The following RAB10 variants were observed in gnomAD, a reference collection of about 807,000 sequenced individuals.
RAB10 encodes the protein ras-related protein Rab-10.
RAB10 carries 5 observed loss-of-function variants against 25.7 expected under a neutral mutation model. The ratio of observed to expected loss-of-function variants is 0.19; its 90% CI spans 0.10 to 0.41. RAB10 has a LOEUF of 0.41. Among genes scored for constraint, RAB10 ranks in the 10% least tolerant of loss-of-function variants. The pLI, the probability that RAB10 is intolerant of heterozygous loss-of-function variation, is 1.00. For synonymous variants in RAB10, 89 were observed against 86.4 expected (o/e 1.03, Z -0.16); for missense variants, 103 against 245.8 (o/e 0.42, Z 3.89).
At chr2:26,103,929 A>T (rs533480722) in intron 2 of RAB10, among the ~76,000 whole-genome samples, 47 of 151,964 alleles carry the variant, frequency 3.1e-4, no homozygotes, top group South Asian at 6.2e-4. Context: ...CTTTTTTTTT[A>T]ATGGCTGAAT....
intron 1 of RAB10, among the ~76,000 whole-genome samples, chr2:26,090,227 G>A (rs1667073298): frequency 6.6e-6 from 1 of 152,166 alleles, no homozygotes; most frequent in Admixed American, 6.5e-5. Flanking sequence ...GTCTGGGAAT[G>A]CCTTTCATTT....
At chr2:26,132,770 C>G (rs1245420901) in intron 5 of RAB10, among the ~76,000 whole-genome samples, 5 of 141,516 alleles carry the variant, frequency 3.5e-5, no homozygotes, top group South Asian at 2.5e-4. Flanking sequence ...TACCCCCCCC[C>G]CTTTTTTTTA....
chr2:26,055,938 C>G (rs1485932913), intron 1 of RAB10, among the ~76,000 whole-genome samples: 2 of 151,930 alleles, frequency 1.3e-5, no homozygotes, highest in African/African-American at 4.8e-5. Context: ...CTCTGTCACC[C>G]AGGATGAGCG....
chr2:26,111,297 T>A (rs1667565126), intron 3 of RAB10, among the ~76,000 whole-genome samples: 1 of 152,196 alleles, frequency 6.6e-6, no homozygotes, highest in South Asian at 2.1e-4. Context: ...TATTTTTTAA[T>A]AATTATTTAA....
chr2:26,101,056 T>C (rs1667329024), intron 2 of RAB10, among the ~76,000 whole-genome samples: 1 of 152,132 alleles, frequency 6.6e-6, no homozygotes, highest in South Asian at 2.1e-4. Flanking sequence ...ATAGAGGTGA[T>C]GTTTAAGATG....
intron 2 of RAB10, among the ~76,000 whole-genome samples, 158 bp from the exon 3 acceptor site, chr2:26,109,610 T>G (rs887322679): frequency 1.3e-5 from 2 of 152,256 alleles, no homozygotes; most frequent in Non-Finnish European, 2.9e-5. Flanking sequence ...TCCTACTGTT[T>G]TCCCTTTCAG....
At chr2:26,110,786 A>G (rs1034395337) in intron 3 of RAB10, among the ~76,000 whole-genome samples, 2 of 152,066 alleles carry the variant, frequency 1.3e-5, no homozygotes, top group Non-Finnish European at 2.9e-5. Context: ...GCTCACTGCA[A>G]TCTCTGCTTT....
At chr2:26,112,356 C>T (rs778119845) in intron 3 of RAB10, among the ~76,000 whole-genome samples, 4 of 152,074 alleles carry the variant, frequency 2.6e-5, no homozygotes, top group Admixed American at 1.3e-4. Context: ...AGACCAGCCC[C>T]CATTCTGAAG....
chr2:26,033,981 C>T (rs1056047230), upstream of RAB10: 8 of 397,798 alleles, frequency 2.0e-5, no homozygotes, highest in African/African-American at 1.4e-4. Flanking sequence ...AGGAGCATTC[C>T]ACTCGCCACT....
At chr2:26,076,848 G>A (rs963084821) in intron 1 of RAB10, among the ~76,000 whole-genome samples, 3 of 151,592 alleles carry the variant, frequency 2.0e-5, no homozygotes, top group African/African-American at 7.3e-5. Flanking sequence ...GGAGGCTGAG[G>A]CAGGAGAAAC....
chr2:26,063,562 A>C (rs1253431506), intron 1 of RAB10, among the ~76,000 whole-genome samples: 2 of 152,204 alleles, frequency 1.3e-5, no homozygotes, highest in Admixed American at 1.3e-4. Context: ...GTATCATTAC[A>C]TGCAAGAAGT....
intron 3 of RAB10, among the ~76,000 whole-genome samples, chr2:26,119,498 C>T (rs1667759495): frequency 6.6e-6 from 1 of 151,282 alleles, no homozygotes; most frequent in African/African-American, 2.4e-5. Context: ...GAAGTGTATC[C>T]CAAGTCTTTT....
chr2:26,124,306 T>A (rs961363112), intron 3 of RAB10, among the ~76,000 whole-genome samples: 1 of 151,330 alleles, frequency 6.6e-6, no homozygotes. Flanking sequence ...CCTAGTTTTT[T>A]TTTTTCTTAT....
At chr2:26,058,099 A>T (rs889688104) in intron 1 of RAB10, among the ~76,000 whole-genome samples, 1 of 152,216 alleles carries the variant, frequency 6.6e-6, no homozygotes, top group African/African-American at 2.4e-5. Context: ...GGTATCCTTG[A>T]TGCCTCCTTC....
At chr2:26,107,305 G>A (rs1667485623) in intron 2 of RAB10, among the ~76,000 whole-genome samples, 1 of 147,316 alleles carries the variant, frequency 6.8e-6, no homozygotes, top group Admixed American at 6.7e-5. Context: ...CTAAACACAT[G>A]ATCTGTAAAA....
intron 1 of RAB10, among the ~76,000 whole-genome samples, chr2:26,046,973 C>T (rs950828437): frequency 6.6e-5 from 10 of 152,136 alleles, no homozygotes; most frequent in African/African-American, 2.4e-4. Context: ...CTCTTGTATA[C>T]TTTGCCCAGT....
rs543412936 is a variant in RAB10, at chr2:26,063,915, A to C, written c.127+29180A>C. ...CGGGTTCAAATGAGTCTCCTGCTTC[A>C]GCTGCCCAAGCAGCTGGGACTACAG... On this transcript the variant is annotated intron_variant, in intron 1 of 5. Transcript: ENST00000264710. 4.2e-4 allele frequency among the ~76,000 whole-genome samples: 64 copies of C among 152,242 alleles called. 2 individuals are homozygous for C. In the South Asian group the frequency reaches 0.012, roughly 30 times the overall value.
intron 1 of RAB10, among the ~76,000 whole-genome samples, chr2:26,046,222 G>C (rs955393607): frequency 2.6e-4 from 39 of 152,176 alleles, no homozygotes; most frequent in African/African-American, 8.9e-4. Context: ...CTACTCGGGA[G>C]GCTGAGGCAG....
chr2:26,060,644 A>C (rs1666374941), intron 1 of RAB10, among the ~76,000 whole-genome samples: 1 of 152,204 alleles, frequency 6.6e-6, no homozygotes, highest in South Asian at 2.1e-4. Flanking sequence ...CCAGTGAGAA[A>C]ATTTTGGATT....
Sources: allele counts gnomAD v4.1 joint callset (sites outside exome capture counted in the v4.1 genomes callset), GRCh38; gene constraint gnomAD v4.1.1; transcripts MANE v1.5; gene names NCBI Gene and HGNC (gene_info 2026-07-23, HGNC 2026-07-21).